The following PTPRA variants were observed in gnomAD, a reference collection of about 807,000 sequenced individuals.
The protein encoded by PTPRA is receptor-type tyrosine-protein phosphatase alpha.
In PTPRA, 25 loss-of-function variants were observed where a neutral mutation model predicts 104.8. That is an observed-to-expected ratio of 0.24 (90% CI 0.17 to 0.33). The LOEUF (loss-of-function observed/expected upper bound fraction) is 0.33. Ranked by LOEUF, PTPRA falls within the 10% of genes least tolerant of loss-of-function variation. The pLI, the probability that PTPRA is intolerant of heterozygous loss-of-function variation, is 1.00. For missense variants in PTPRA, 765 were observed against 1,015.3 expected (o/e 0.75, Z 3.35); for synonymous variants, 323 against 368.9 (o/e 0.88, Z 1.43).
At chr20:3,004,880 G>A (rs996034523) in intron 9 of PTPRA, among the ~76,000 whole-genome samples, 176 bp from the exon 10 acceptor site, 2 of 152,214 alleles carry the variant, frequency 1.3e-5, no homozygotes, top group African/African-American at 4.8e-5. Context: ...GGAGCTTGTG[G>A]CTGTTTCGGG....
intron 9 of PTPRA, among the ~76,000 whole-genome samples, chr20:3,000,449 A>T (rs2063578595): frequency 6.6e-6 from 1 of 152,238 alleles, no homozygotes; most frequent in Non-Finnish European, 1.5e-5. Flanking sequence ...GCAAATGTTG[A>T]TAAGCATACG....
At chr20:2,963,018 G>A (rs1427207420) in intron 3 of PTPRA, among the ~76,000 whole-genome samples, 2 of 152,146 alleles carry the variant, frequency 1.3e-5, no homozygotes, top group Non-Finnish European at 2.9e-5. Flanking sequence ...TGTTTCTCTA[G>A]CACTAGCTCA....
intron 1 of PTPRA, among the ~76,000 whole-genome samples, chr20:2,910,166 A>AAT (rs2059623489): frequency 9.9e-6 from 1 of 101,278 alleles, no homozygotes; most frequent in Non-Finnish European, 1.9e-5. Context: ...CGTCATATAT[A>AAT]ATATGACGTA....
At chr20:3,036,714 A>G (rs1278858422) in intron 22 of PTPRA, among the ~76,000 whole-genome samples, 1 of 152,268 alleles carries the variant, frequency 6.6e-6, no homozygotes, top group African/African-American at 2.4e-5. Flanking sequence ...TGTCAAGGTC[A>G]GAGTCTGGAT....
chr20:2,960,329 A>G (rs2061703494), intron 3 of PTPRA, among the ~76,000 whole-genome samples: 1 of 147,138 alleles, frequency 6.8e-6, no homozygotes, highest in Non-Finnish European at 1.5e-5. Context: ...GGGTCACTGC[A>G]AGCTCCACCT....
chr20:2,882,001 G>A (rs1418902666), intron 1 of PTPRA, among the ~76,000 whole-genome samples: 1 of 151,746 alleles, frequency 6.6e-6, no homozygotes, highest in Non-Finnish European at 1.5e-5. Context: ...CTGTTTCAGG[G>A]GAAAAAAAGA....
At position 2,998,543 on chromosome 20, in the gene PTPRA, C is replaced by T. The variant is rs12329576; in HGVS notation, c.739-6513C>T. Among the ~76,000 whole-genome samples, 957 of 152,220 alleles carry T rather than the reference C, an allele frequency of 6.3e-3. 10 individuals are homozygous for T. Among genetic ancestry groups the T allele is most frequent in the African/African-American group, 0.021 (891 of 41,524 alleles). On this transcript the variant is annotated intron_variant, in intron 9 of 23. Coordinates refer to ENST00000399903, the MANE Select transcript of PTPRA (RefSeq NM_001385305.1). Reference sequence around the variant, plus strand: ...TTTTGCAAGGGGCAGAAAAGATGCCCGCTGACATCTGGGTTTTACATTGCT... The same window carrying T: ...TTTTGCAAGGGGCAGAAAAGATGCCTGCTGACATCTGGGTTTTACATTGCT...
chr20:2,951,596 A>G (rs2061356068), intron 3 of PTPRA, among the ~76,000 whole-genome samples: 1 of 152,182 alleles, frequency 6.6e-6, no homozygotes, highest in East Asian at 1.9e-4. Context: ...ACTCACTGAA[A>G]TTATTCAAAC....
At chr20:2,908,780 G>T (rs1443368740) in intron 1 of PTPRA, among the ~76,000 whole-genome samples, 1 of 151,966 alleles carries the variant, frequency 6.6e-6, no homozygotes, top group Admixed American at 6.6e-5. Flanking sequence ...CATTCAAAGT[G>T]CATTTGTTTT....
intron 9 of PTPRA, among the ~76,000 whole-genome samples, chr20:3,000,892 G>A (rs1427446385): frequency 5.3e-5 from 8 of 152,200 alleles, no homozygotes; most frequent in Non-Finnish European, 1.0e-4. Context: ...AGGTTTACCA[G>A]TGAGAGGGGA....
the PTPRA span, among the ~76,000 whole-genome samples, chr20:2,868,111 G>T: frequency 5.9e-5 from 9 of 152,228 alleles, no homozygotes; most frequent in East Asian, 1.7e-3. Flanking sequence ...TGGGACCTTA[G>T]CTGGGGTGGT....
At chr20:2,903,687 T>TA (rs1321601911) in intron 1 of PTPRA, among the ~76,000 whole-genome samples, 4 of 151,796 alleles carry the variant, frequency 2.6e-5, no homozygotes, top group African/African-American at 7.2e-5. Context: ...GACCCCAACT[T>TA]AAAAAAAAGA....
intron 3 of PTPRA, among the ~76,000 whole-genome samples, chr20:2,952,839 T>C (rs532286525): frequency 1.4e-4 from 21 of 152,350 alleles, no homozygotes; most frequent in Admixed American, 7.8e-4. Context: ...GTGACTGGCT[T>C]ATTAGTATAA....
intron 2 of PTPRA, among the ~76,000 whole-genome samples, chr20:2,942,543 T>G (rs1179389341): frequency 3.3e-5 from 5 of 151,960 alleles, no homozygotes; most frequent in African/African-American, 1.2e-4. Context: ...TTTAATATAG[T>G]TAATATATTC....
chr20:3,031,975 T>C (rs2065480964), intron 20 of PTPRA, among the ~76,000 whole-genome samples: 2 of 152,224 alleles, frequency 1.3e-5, no homozygotes, highest in African/African-American at 4.8e-5. Flanking sequence ...GCTCTCACAC[T>C]GAACTCATGA....
the PTPRA span, chr20:2,865,199 G>T: frequency 6.2e-7 from 1 of 1,614,104 alleles, no homozygotes; most frequent in South Asian, 1.1e-5. The surrounding 1 kb of genome is among the most constrained non-coding windows in gnomAD (Gnocchi z 5.2). Context: ...CCTAGAAGAC[G>T]AGCTGGGGGG....
At chr20:2,880,240 G>A (rs367630196) in intron 1 of PTPRA, among the ~76,000 whole-genome samples, 1 of 152,128 alleles carries the variant, frequency 6.6e-6, no homozygotes, top group Non-Finnish European at 1.5e-5. Context: ...ATGATCCAGG[G>A]GAACTGGAAG....
intron 1 of PTPRA, among the ~76,000 whole-genome samples, chr20:2,910,290 T>C (rs899105251): frequency 7.5e-6 from 1 of 133,274 alleles, no homozygotes; most frequent in Non-Finnish European, 1.5e-5. Context: ...TTATATATAA[T>C]ATGTATTATA....
At chr20:2,937,600 A>G (rs1400643293) in intron 2 of PTPRA, among the ~76,000 whole-genome samples, 8 of 152,188 alleles carry the variant, frequency 5.3e-5, no homozygotes, top group Non-Finnish European at 1.2e-4. Context: ...ACATATATAT[A>G]TGCATAACAT....
Sources: gnomAD v4.1 joint callset for allele counts (sites outside exome capture counted in the v4.1 genomes callset) on GRCh38, gnomAD v4.1.1 for gene constraint, Gnocchi (gnomAD v3.1) non-coding constraint, MANE v1.5 for transcripts, NCBI Gene and HGNC (gene_info 2026-07-23, HGNC 2026-07-21) for gene names.